The following SHISA9 variants were observed in gnomAD, a reference collection of about 807,000 sequenced individuals.
The protein encoded by SHISA9 is shisa family member 9.
In SHISA9, 13 loss-of-function variants were observed where a neutral mutation model predicts 38.0. The observed-to-expected ratio is 0.34, with a 90% CI of 0.22 to 0.54. The LOEUF is 0.54. SHISA9 is among the 20% of genes least tolerant of loss of function. The pLI is 0.91. For missense variants in SHISA9, 538 were observed against 575.8 expected, an observed-to-expected ratio of 0.93 and a Z score of 0.67; for synonymous variants, 275 against 242.0, an observed-to-expected ratio of 1.14 and a Z score of -1.27.
At position 13,235,562 on chromosome 16, in the gene SHISA9, C is replaced by G; in HGVS notation, c.*153C>G. The G allele has an allele frequency of 9.9e-7, 1 of 1,007,942 alleles. No homozygotes were observed. The highest frequency in any genetic ancestry group is 1.8e-5 in the South Asian group (1 of 55,728). 62.4% of individuals were successfully genotyped at this position (1,007,942 alleles called of 1,614,324 possible). ...TCTAAACCTACTGGGGACACAGAGT[C>G]GCGCTTTTCCTAGGTCATGCCTGTA... On this transcript the variant is annotated 3_prime_UTR_variant, in exon 5 of 5. Transcript: ENST00000558583.
chr16:13,400,058 A>G, the SHISA9 span, among the ~76,000 whole-genome samples: 1 of 152,320 alleles, frequency 6.6e-6, no homozygotes, highest in African/African-American at 2.4e-5. Flanking sequence ...TAAAAGCTTT[A>G]ACTGTGAGTA....
At chr16:13,206,164 T>A (rs1245219362) in intron 3 of SHISA9, among the ~76,000 whole-genome samples, 3 of 152,196 alleles carry the variant, frequency 2.0e-5, no homozygotes, top group African/African-American at 7.2e-5. Flanking sequence ...AACAATTCAC[T>A]TTGAGTGGAA....
At chr16:13,449,807 T>G in the SHISA9 span, among the ~76,000 whole-genome samples, 1 of 152,178 alleles carries the variant, frequency 6.6e-6, no homozygotes, top group African/African-American at 2.4e-5. Context: ...CCTCATTGTC[T>G]CTTTTCTACA....
At chr16:13,123,974 G>A (rs1181587310) in intron 2 of SHISA9, among the ~76,000 whole-genome samples, 1 of 152,228 alleles carries the variant, frequency 6.6e-6, no homozygotes, top group Non-Finnish European at 1.5e-5. Context: ...GGCACTCAAT[G>A]TATGACTGTT....
At chr16:13,071,400 C>G (rs944205098) in intron 2 of SHISA9, among the ~76,000 whole-genome samples, 3 of 152,104 alleles carry the variant, frequency 2.0e-5, no homozygotes, top group Non-Finnish European at 1.5e-5. Flanking sequence ...AACAATTCCT[C>G]CTACTATTTC....
intron 3 of SHISA9, among the ~76,000 whole-genome samples, chr16:13,205,764 T>C: frequency 6.6e-6 from 1 of 152,076 alleles, no homozygotes; most frequent in Non-Finnish European, 1.5e-5. Context: ...GGTCTTCTTC[T>C]TCTTTTTTCT....
chr16:13,229,793 G>T (rs186273887), intron 4 of SHISA9, among the ~76,000 whole-genome samples: 1 of 152,300 alleles, frequency 6.6e-6, no homozygotes, highest in Non-Finnish European at 1.5e-5. Flanking sequence ...GAGAGCAGGG[G>T]TGGCTGAGAA....
chr16:13,160,661 G>A (rs920053059), intron 2 of SHISA9, among the ~76,000 whole-genome samples: 2 of 152,132 alleles, frequency 1.3e-5, no homozygotes, highest in South Asian at 4.1e-4. Flanking sequence ...TTTATTATGC[G>A]CTCTTTGGGG....
intron 2 of SHISA9, among the ~76,000 whole-genome samples, chr16:13,055,013 A>G (rs1227056260): frequency 1.3e-5 from 2 of 152,176 alleles, no homozygotes; most frequent in Admixed American, 6.5e-5. Flanking sequence ...CCTTTGTCCT[A>G]CAATCACAAG....
intron 2 of SHISA9, among the ~76,000 whole-genome samples, chr16:13,169,162 T>C (rs986634316): frequency 3.3e-5 from 5 of 152,184 alleles, no homozygotes; most frequent in Admixed American, 3.3e-4. Flanking sequence ...CTTACAGTTG[T>C]CATGGGATCT....
the SHISA9 span, among the ~76,000 whole-genome samples, chr16:13,316,015 T>TAA: frequency 1.2e-4 from 18 of 146,608 alleles, no homozygotes; most frequent in African/African-American, 4.3e-4. Flanking sequence ...TCATTACAAT[T>TAA]AAAAAAAAAA....
chr16:13,385,324 C>T, the SHISA9 span, among the ~76,000 whole-genome samples: 1 of 152,216 alleles, frequency 6.6e-6, no homozygotes, highest in Non-Finnish European at 1.5e-5. Flanking sequence ...AATGGACATT[C>T]ACACAAAAAT....
chr16:13,028,363 G>A (rs371506909), intron 2 of SHISA9, among the ~76,000 whole-genome samples: 1 of 152,108 alleles, frequency 6.6e-6, no homozygotes, highest in Non-Finnish European at 1.5e-5. Context: ...AAGACATACC[G>A]AGACTGGGCA....
At chr16:13,006,867 T>C (rs2072604641) in intron 2 of SHISA9, among the ~76,000 whole-genome samples, 2 of 152,150 alleles carry the variant, frequency 1.3e-5, no homozygotes, top group Non-Finnish European at 2.9e-5. Flanking sequence ...TGCTCTACTT[T>C]CTGTGCTGTT....
intron 2 of SHISA9, among the ~76,000 whole-genome samples, chr16:12,955,572 G>T (rs555256996): frequency 1.3e-5 from 2 of 148,288 alleles, no homozygotes; most frequent in Non-Finnish European, 3.0e-5. Context: ...CAGATCAATA[G>T]AACAAATAGA....
rs138807994 is a variant in SHISA9, at chr16:12,936,645, G to A, written c.691+19830G>A. ...GTGTGATTCTAGCATTTAAAGATAT[G>A]CATTTTTCATATAACTTGGCCCCTA... On this transcript the variant is annotated intron_variant, in intron 2 of 4. Transcript: ENST00000558583. Among the ~76,000 whole-genome samples the A allele has an allele frequency of 2.4e-4, 36 of 152,282 alleles. 1 individual carries two copies. In the East Asian group the frequency reaches 7.0e-3, roughly 29 times the overall value.
chr16:12,984,802 G>A (rs1257152497), intron 2 of SHISA9, among the ~76,000 whole-genome samples: 1 of 152,134 alleles, frequency 6.6e-6, no homozygotes, highest in Non-Finnish European at 1.5e-5. Flanking sequence ...ACTCTTTGAA[G>A]GATTCTGGTG....
chr16:13,457,304 C>CAAAAAAAA, the SHISA9 span, among the ~76,000 whole-genome samples: 1 of 100,372 alleles, frequency 1.0e-5, no homozygotes, highest in African/African-American at 3.1e-5. Flanking sequence ...GAAACTCTAT[C>CAAAAAAAA]AAAAACAAAC....
intron 2 of SHISA9, among the ~76,000 whole-genome samples, chr16:13,185,505 A>G (rs1311297354): frequency 6.6e-6 from 1 of 152,134 alleles, no homozygotes; most frequent in Non-Finnish European, 1.5e-5. Context: ...AGCCTGGGCC[A>G]TTTTTTATAT....
Sources: allele counts gnomAD v4.1 joint callset (sites outside exome capture counted in the v4.1 genomes callset), GRCh38; gene constraint gnomAD v4.1.1; transcripts MANE v1.5; gene names NCBI Gene and HGNC (gene_info 2026-07-23, HGNC 2026-07-21).